The following NEMP2 variants were observed in gnomAD, a reference collection of about 807,000 sequenced individuals.
NEMP2 encodes the protein nuclear envelope integral membrane protein 2.
A neutral mutation model predicts 54.2 loss-of-function variants in NEMP2; 53 were observed. The ratio of observed to expected loss-of-function variants is 0.98; its 90% confidence interval spans 0.78 to 1.23. The LOEUF is 1.23. Among genes scored for constraint, NEMP2 ranks in the 50% most tolerant of loss-of-function variants. The probability of loss-of-function intolerance (pLI) is 0.00; values close to 1 mark genes in which losing one functional copy is unlikely to be tolerated. For missense variants in NEMP2, 455 were observed against 511.3 expected (o/e 0.89, Z 1.06); for synonymous variants, 197 against 190.3 (o/e 1.04, Z -0.29).
chr2:190,449,794 C>T, the NEMP2 span, among the ~76,000 whole-genome samples: 1 of 151,770 alleles, frequency 6.6e-6, no homozygotes, highest in African/African-American at 2.4e-5. Context: ...TATTCTCACT[C>T]ATAGGTGGGA....
chr2:190,633,736 A>G, the NEMP2 span, among the ~76,000 whole-genome samples: 1 of 152,220 alleles, frequency 6.6e-6, no homozygotes, highest in Admixed American at 6.5e-5. Flanking sequence ...ATAACATATC[A>G]ATTAACTTGG....
At chr2:190,450,247 G>C in the NEMP2 span, among the ~76,000 whole-genome samples, 1 of 151,972 alleles carries the variant, frequency 6.6e-6, no homozygotes, top group Non-Finnish European at 1.5e-5. Context: ...GGAAATATCT[G>C]GCAGACTGCA....
chr2:190,477,683 C>T, the NEMP2 span, among the ~76,000 whole-genome samples: 1 of 152,174 alleles, frequency 6.6e-6, no homozygotes, highest in Non-Finnish European at 1.5e-5. Context: ...TATATTAACT[C>T]AGGCCACAAG....
At chr2:190,580,570 A>T in the NEMP2 span, among the ~76,000 whole-genome samples, 1 of 152,176 alleles carries the variant, frequency 6.6e-6, no homozygotes, top group Non-Finnish European at 1.5e-5. The surrounding 1 kb of genome is among the most constrained non-coding windows in gnomAD (Gnocchi z 5.3). Flanking sequence ...AATTGCCTTA[A>T]TTTCCTCTAC....
At position 190,504,569 on chromosome 2, in the gene NEMP2, C is replaced by T. The variant is rs1690143162; in HGVS notation, c.*4620G>A. 6.6e-6 allele frequency: 1 copy of T among 152,032 alleles called. No individual in the cohort carries two copies. The highest frequency in any genetic ancestry group is 1.5e-5 in the Non-Finnish European group (1 of 68,006). 9.4% of individuals were successfully genotyped at this position (152,032 alleles called of 1,614,324 possible). A position where few individuals can be genotyped will look rare whatever the true frequency, so the allele number is the denominator to read the frequency against. On this transcript the variant is annotated 3_prime_UTR_variant, in exon 9 of 9. Coordinates refer to ENST00000409150, the MANE Select transcript of NEMP2 (RefSeq NM_001142645.2). The surrounding 1 kb of genome is among the most constrained non-coding windows in gnomAD (Gnocchi z 5.6). ...AAAAAAGTGATGATGGTGACAATTC[C>T]ATAAAGTGCAAAAGTCTGCTGAGAG...
the NEMP2 span, among the ~76,000 whole-genome samples, chr2:190,620,633 T>A: frequency 6.6e-6 from 1 of 152,168 alleles, no homozygotes; most frequent in African/African-American, 2.4e-5. This position sits in a 1 kb window ranked among gnomAD's most constrained non-coding sequence, Gnocchi z 4.9. Context: ...CTGATTAAGG[T>A]CATCTACAGA....
the NEMP2 span, among the ~76,000 whole-genome samples, chr2:190,425,707 T>A: frequency 1.6e-4 from 24 of 152,340 alleles, no homozygotes; most frequent in African/African-American, 5.3e-4. The surrounding 1 kb of genome is among the most constrained non-coding windows in gnomAD (Gnocchi z 4.3). Context: ...CCACACTTTG[T>A]CATGTTGTAT....
the NEMP2 span, among the ~76,000 whole-genome samples, chr2:190,434,401 T>C: frequency 6.6e-6 from 1 of 152,158 alleles, no homozygotes. The surrounding 1 kb of genome is among the most constrained non-coding windows in gnomAD (Gnocchi z 4.3). Flanking sequence ...TGTATATTGC[T>C]AATATCGTAT....
At position 190,525,609 on chromosome 2, in the gene NEMP2, G is replaced by C. The variant is rs1690905557; in HGVS notation, c.98-231C>G. 6.6e-6 allele frequency among the ~76,000 whole-genome samples: 1 copy of C among 152,066 alleles called. No homozygotes were observed. Among genetic ancestry groups the C allele is most frequent in the African/African-American group, 2.4e-5 (1 of 41,408 alleles). On this transcript the variant is annotated intron_variant, in intron 1 of 8. Transcript: ENST00000409150. The surrounding 1 kb of genome is among the most constrained non-coding windows in gnomAD (Gnocchi z 5.0). The stretch of plus-strand genomic sequence containing the variant: ...CATTGGAGGGCACTATAAGAGCACA[G>C]AGAACAAGTACTTCTTCAATTCTGA...
chr2:190,545,357 CTT>C, the NEMP2 span, among the ~76,000 whole-genome samples: 2 of 152,144 alleles, frequency 1.3e-5, no homozygotes, highest in African/African-American at 4.8e-5. Context: ...CTAGCGTTCT[CTT>C]TTTTCCCCCC....
chr2:190,509,818 T>C lies in NEMP2; in HGVS notation c.1131-506A>G, dbSNP rs919436425. 2.6e-5 allele frequency among the ~76,000 whole-genome samples: 4 copies of C among 152,326 alleles called. No individual in the cohort carries two copies. Among genetic ancestry groups the C allele is most frequent in the African/African-American group, 9.6e-5 (4 of 41,578 alleles). On this transcript the variant is annotated intron_variant, in intron 8 of 8. Coordinates refer to ENST00000409150, the MANE Select transcript of NEMP2 (RefSeq NM_001142645.2). The surrounding 1 kb of genome is among the most constrained non-coding windows in gnomAD (Gnocchi z 6.1). ...ACTTTGGGAGGCCAAGGCAGGCAGA[T>C]CACGAGGTCAGGAGTTAGAGACCAG...
chr2:190,423,598 A>ATTTC, the NEMP2 span, among the ~76,000 whole-genome samples: 1 of 152,226 alleles, frequency 6.6e-6, no homozygotes, highest in Non-Finnish European at 1.5e-5. This position sits in a 1 kb window ranked among gnomAD's most constrained non-coding sequence, Gnocchi z 4.3. Context: ...TGCTATAAAC[A>ATTTC]TTTATGCATG....
the NEMP2 span, among the ~76,000 whole-genome samples, chr2:190,614,030 A>T: frequency 7.4e-6 from 1 of 135,644 alleles, no homozygotes; most frequent in African/African-American, 2.5e-5. The surrounding 1 kb of genome is among the most constrained non-coding windows in gnomAD (Gnocchi z 5.7). Context: ...TGAGCCAATT[A>T]ATTAGAACTC....
At chr2:190,443,448 ACT>A in the NEMP2 span, among the ~76,000 whole-genome samples, 1 of 152,150 alleles carries the variant, frequency 6.6e-6, no homozygotes, top group Non-Finnish European at 1.5e-5. This position sits in a 1 kb window ranked among gnomAD's most constrained non-coding sequence, Gnocchi z 4.2. Context: ...AGCTTATTTT[ACT>A]TTTTTTCTGT....
At chr2:190,435,071 C>CT in the NEMP2 span, among the ~76,000 whole-genome samples, 1 of 152,212 alleles carries the variant, frequency 6.6e-6, no homozygotes, top group Non-Finnish European at 1.5e-5. Context: ...ACCAACCCCC[C>CT]TCTCCATCTG....
the NEMP2 span, among the ~76,000 whole-genome samples, chr2:190,566,749 AAAAGAAAG>A: frequency 3.3e-5 from 5 of 151,594 alleles, no homozygotes; most frequent in African/African-American, 1.2e-4. Flanking sequence ...AAAAGAAAAA[AAAAGAAAG>A]GAAGGAAGGA....
chr2:190,436,810 A>G, the NEMP2 span: 11 of 1,614,162 alleles, frequency 6.8e-6, no homozygotes, highest in Non-Finnish European at 9.3e-6. The surrounding 1 kb of genome is among the most constrained non-coding windows in gnomAD (Gnocchi z 5.3). Flanking sequence ...GGAGACAACC[A>G]CTGTTATTGT....
chr2:190,592,297 A>G, the NEMP2 span, among the ~76,000 whole-genome samples: 1 of 152,202 alleles, frequency 6.6e-6, no homozygotes, highest in East Asian at 1.9e-4. This position sits in a 1 kb window ranked among gnomAD's most constrained non-coding sequence, Gnocchi z 4.4. Flanking sequence ...GAGATAACCA[A>G]TCTAAAGTGT....
At chr2:190,498,966 G>A in the NEMP2 span, among the ~76,000 whole-genome samples, 1 of 151,940 alleles carries the variant, frequency 6.6e-6, no homozygotes, top group African/African-American at 2.4e-5. This position sits in a 1 kb window ranked among gnomAD's most constrained non-coding sequence, Gnocchi z 5.9. Context: ...TGGCCAAGAT[G>A]GTGAAACCCC....
Sources: gnomAD v4.1 joint callset for allele counts (sites outside exome capture counted in the v4.1 genomes callset) on GRCh38, gnomAD v4.1.1 for gene constraint, Gnocchi (gnomAD v3.1) non-coding constraint, MANE v1.5 for transcripts, NCBI Gene and HGNC (gene_info 2026-07-23, HGNC 2026-07-21) for gene names.